ZNF556: variants seen among roughly 807,000 people sequenced by gnomAD.
The protein encoded by ZNF556 is zinc finger protein 556.
ZNF556 carries 11 observed loss-of-function variants against 13.6 expected under a neutral mutation model. That is an observed-to-expected ratio of 0.81 (90% CI 0.51 to 1.33). The LOEUF is 1.33. Ranked by LOEUF, ZNF556 falls within the 40% of genes most tolerant of loss-of-function variation. ZNF556 has a pLI of 0.00. For synonymous variants in ZNF556, 229 were observed against 207.8 expected (o/e 1.10, Z -0.88); for missense variants, 633 against 566.2 (o/e 1.12, Z -1.20).
In ZNF556 at chr19:2,882,531, A is replaced by ATATATATAGTGTGTGT. The variant is rs57053138; in HGVS notation, c.*4202_*4203insTATATATAGTGTGTGT. 1.7e-3 allele frequency: 211 copies of ATATATATAGTGTGTGT among 127,696 alleles called. No homozygotes were observed. The highest frequency in any genetic ancestry group is 6.0e-3 in the African/African-American group (198 of 32,966). The allele number at this position is 127,696 out of a possible 1,614,324, so 7.9% of individuals were successfully genotyped here. On this transcript the variant is annotated 3_prime_UTR_variant, in exon 4 of 4. Transcript: ENST00000307635. ...ATACATTTTATATATATATATATAT[A>ATATATATAGTGTGTGT]GTGTGTGTGTGTGTGTGTGTGTGTG...
In ZNF556 at chr19:2,877,381, T is replaced by C. The variant is rs1341081748; in HGVS notation, c.423T>C (p.Cys141=). The change falls in exon 4 of 4, where the codon TGT becomes TGC. Residue 141 remains cysteine (C), a synonymous_variant. Transcript: ENST00000307635. The part of the protein sequence containing the change: ...NCNRHLRKNC[C]TSVRRYECSQ... ...ATCGTCATCTGCGCAAGAATTGTTG[T>C]ACTAGTGTAAGACGGTACGAATGCA... 6.2e-7 allele frequency: 1 copy of C among 1,614,178 alleles called. No homozygotes were observed. Among genetic ancestry groups the C allele is most frequent in the South Asian group, 1.1e-5 (1 of 91,090 alleles).
At chr19:2,868,213 C>T (rs938531699) in intron 1 of ZNF556, among the ~76,000 whole-genome samples, 8 of 151,530 alleles carry the variant, frequency 5.3e-5, no homozygotes, top group African/African-American at 1.5e-4. Flanking sequence ...TAGCCCTTGA[C>T]GGGGCTCCCG....
In ZNF556 at chr19:2,880,383, G is replaced by A. The variant is rs142868147; in HGVS notation, c.*2054G>A. ...TTTAACTGAGTTTTTCAAATAAGTT[G>A]TATACTAACAAATGTCAATCTCTGT... On this transcript the variant is annotated 3_prime_UTR_variant, in exon 4 of 4. Coordinates refer to ENST00000307635, the MANE Select transcript of ZNF556 (RefSeq NM_024967.3). 436 of 152,270 alleles carry A rather than the reference G, an allele frequency of 2.9e-3. 4 individuals are homozygous for A. Among genetic ancestry groups the A allele is most frequent in the African/African-American group, 0.01 (421 of 41,556 alleles). The allele number at this position is 152,270 out of a possible 1,614,324, so 9.4% of individuals were successfully genotyped here.
At chr19:2,873,684 T>C in intron 2 of ZNF556, 62 bp downstream of exon 2, 2 of 1,571,326 alleles carry the variant, frequency 1.3e-6, no homozygotes, top group East Asian at 4.5e-5. Flanking sequence ...CTGGTTGCAG[T>C]GGTTCATGCC....
chr19:2,877,214 G>GA (rs796457422), intron 3 of ZNF556, 59 bp from the exon 4 acceptor site: 39,200 of 985,846 alleles, frequency 0.04, 1 homozygote, highest in Non-Finnish European at 0.043. Flanking sequence ...CCATCTCAAG[G>GA]AAAAAAAAAA....
rs1043635665 is a variant in ZNF556 at position 2,881,674 on chromosome 19, A to T, written c.*3345A>T. 2.6e-5 allele frequency: 4 copies of T among 152,088 alleles called. No homozygotes were observed. The highest frequency in any genetic ancestry group is 4.4e-5 in the Non-Finnish European group (3 of 68,018). The allele number at this position is 152,088 out of a possible 1,614,324, so 9.4% of individuals were successfully genotyped here. A position where few individuals can be genotyped will look rare whatever the true frequency, so the allele number is the denominator to read the frequency against. On this transcript the variant is annotated 3_prime_UTR_variant, in exon 4 of 4. Transcript: ENST00000307635. The stretch of plus-strand genomic sequence containing the variant: ...GATAATAGGGAATGCAGAATAAAGG[A>T]TCGGGCTTCAGTAAGTGACAATCTC...
intron 1 of ZNF556, among the ~76,000 whole-genome samples, chr19:2,869,226 A>G (rs895361133): frequency 2.6e-5 from 4 of 152,104 alleles, no homozygotes; most frequent in Non-Finnish European, 4.4e-5. Context: ...AGCCTGGTCC[A>G]CATATTACCG....
chr19:2,869,516 T>A (rs2087784780), intron 1 of ZNF556, among the ~76,000 whole-genome samples: 1 of 152,002 alleles, frequency 6.6e-6, no homozygotes, highest in South Asian at 2.1e-4. Flanking sequence ...ACAGGTGCCC[T>A]CCACCACGCC....
chr19:2,870,944 C>T (rs1371779039), intron 1 of ZNF556, among the ~76,000 whole-genome samples: 4 of 151,144 alleles, frequency 2.6e-5, no homozygotes, highest in Non-Finnish European at 4.4e-5. Flanking sequence ...GAGGCTGAGG[C>T]GGGAGGATCA....
At chr19:2,870,272 C>T (rs1394512515) in intron 1 of ZNF556, among the ~76,000 whole-genome samples, 1 of 150,812 alleles carries the variant, frequency 6.6e-6, no homozygotes, top group Non-Finnish European at 1.5e-5. Flanking sequence ...CATGGTAAAA[C>T]CCTGAGTCTA....
chr19:2,870,195 C>G (rs1166414048), intron 1 of ZNF556, among the ~76,000 whole-genome samples: 1 of 152,172 alleles, frequency 6.6e-6, no homozygotes, highest in African/African-American at 2.4e-5. Context: ...GCCTGTAATC[C>G]CAGCACTTTG....
In ZNF556 at chr19:2,876,094, T is replaced by A; in HGVS notation, c.132T>A (p.Asp44Glu). 1 of 1,599,276 alleles carries A rather than the reference T, an allele frequency of 6.3e-7. No individual in the cohort carries two copies. The highest frequency in any genetic ancestry group is 8.5e-7 in the Non-Finnish European group (1 of 1,176,150). The change falls in exon 3 of 4, where the codon GAT becomes GAA. Residue 44 changes from aspartate to glutamate, a missense_variant and splice_region_variant. Coordinates refer to ENST00000307635, the MANE Select transcript of ZNF556 (RefSeq NM_024967.3). ...LETFKHLASV[D>E]NEAQLKASGS... The stretch of plus-strand genomic sequence containing the variant: ...TATTGGTTCACTTTTTTGTTTCAGA[T>A]AATGAGGCTCAGCTTAAAGCCAGTG...
rs1211251995 is a variant in ZNF556 at position 2,877,359 on chromosome 19, G to A, written c.401G>A (p.Arg134His). ...TTCAGAAAGACTCGAAATTGTAATC[G>A]TCATCTGCGCAAGAATTGTTGTACT... Reference protein sequence around the residue: ...RTFRKTRNCNRHLRKNCCTSV... With the variant: ...RTFRKTRNCNHHLRKNCCTSV... Residue 134 changes from arginine to histidine, a missense_variant, in exon 4 of 4, where the codon CGT becomes CAT. Arg to His is a conservative substitution (Grantham distance 29). Coordinates refer to ENST00000307635, the MANE Select transcript of ZNF556 (RefSeq NM_024967.3). 2.5e-6 allele frequency: 4 copies of A among 1,614,022 alleles called. No homozygotes were observed. The highest frequency in any genetic ancestry group is 3.3e-5 in the Admixed American group (2 of 59,978).
chr19:2,877,896 A>G lies in ZNF556; in HGVS notation c.938A>G (p.Lys313Arg). 2 of 1,614,198 alleles carry G rather than the reference A, an allele frequency of 1.2e-6. No individual in the cohort carries two copies. The highest frequency in any genetic ancestry group is 2.7e-5 in the African/African-American group (2 of 75,054). ...QRHVRIHNGE[K>R]PYKCGKCGKA... ...CACGTGAGAATTCACAACGGGGAGA[A>G]ACCCTATAAGTGTGGAAAATGCGGG... The change falls in exon 4 of 4, where the codon AAA (lysine) becomes AGA (arginine). Residue 313 changes from lysine to arginine, a missense_variant. Lys to Arg is a conservative substitution (Grantham distance 26, BLOSUM62 2). Transcript: ENST00000307635.
intron 1 of ZNF556, among the ~76,000 whole-genome samples, chr19:2,871,866 G>C (rs557778395): frequency 1.3e-5 from 2 of 152,100 alleles, no homozygotes; most frequent in Non-Finnish European, 2.9e-5. Context: ...CAAGACAAAC[G>C]GGCAGGATAA....
rs2087884773 is a variant in ZNF556, at chr19:2,878,988, GTGAGGCCA to G, written c.*661_*668del. The stretch of plus-strand genomic sequence containing the variant: ...TTATATATTTTTTTTGTTACTCCGT[GTGAGGCCA>G]TTAGACCAATGAAATATGGGTGTTT... On this transcript the variant is annotated 3_prime_UTR_variant, in exon 4 of 4. Coordinates refer to ENST00000307635, the MANE Select transcript of ZNF556 (RefSeq NM_024967.3). The G allele has an allele frequency of 6.6e-6, 1 of 152,054 alleles. No individual in the cohort carries two copies. The highest frequency in any genetic ancestry group is 2.4e-5 in the African/African-American group (1 of 41,398). The allele number at this position is 152,054 out of a possible 1,614,324, so 9.4% of individuals were successfully genotyped here. A position where few individuals can be genotyped will look rare whatever the true frequency, so the allele number is the denominator to read the frequency against.
Position 2,876,224 on chromosome 19 carries a change from TG to T in ZNF556, c.265del (p.Glu89LysfsTer16). The T allele has an allele frequency of 6.2e-7, 1 of 1,609,234 alleles. No homozygotes were observed. Among genetic ancestry groups the T allele is most frequent in the Non-Finnish European group, 8.5e-7 (1 of 1,178,582 alleles). ...NIWASLLGKN[W>X]EEHSVKDKHN... ...ATGGGCCTCCCTTTTAGGAAAAAAT[TG>T]GGAAGAACATAGCGTTAAAGACAAG... On this transcript the variant is annotated frameshift_variant, in exon 3 of 4. Transcript: ENST00000307635. LOFTEE classifies it high-confidence loss of function.
chr19:2,872,349 G>A (rs1476041034), intron 1 of ZNF556, among the ~76,000 whole-genome samples: 9 of 151,164 alleles, frequency 6.0e-5, no homozygotes, highest in East Asian at 1.9e-4. Flanking sequence ...AGACGCTGGC[G>A]TTACCGCTAG....
chr19:2,872,406 G>C (rs893357646), intron 1 of ZNF556, among the ~76,000 whole-genome samples: 40 of 151,730 alleles, frequency 2.6e-4, no homozygotes, highest in African/African-American at 9.7e-4. Flanking sequence ...CAGAAGGCTC[G>C]CACTCTTGTC....
Sources: gnomAD v4.1 joint callset for allele counts (sites outside exome capture counted in the v4.1 genomes callset) on GRCh38, gnomAD v4.1.1 for gene constraint, MANE v1.5 for transcripts, NCBI Gene and HGNC (gene_info 2026-07-23, HGNC 2026-07-21) for gene names.